The following KLHL20 variants were observed in gnomAD, a reference collection of about 807,000 sequenced individuals.
KLHL20 encodes the protein kelch like family member 20.
A neutral mutation model predicts 69.5 loss-of-function variants in KLHL20; 29 were observed. The ratio of observed to expected loss-of-function variants is 0.42; its 90% CI spans 0.31 to 0.57. KLHL20 has a LOEUF of 0.57. Among genes scored for constraint, KLHL20 ranks in the 20% least tolerant of loss-of-function variants. The pLI is 0.18. For synonymous variants in KLHL20, 253 were observed against 265.2 expected (o/e 0.95, Z 0.45); for missense variants, 419 against 776.0 (o/e 0.54, Z 5.47).
chr1:173,766,647 G>GAAAAAAAAAAAAAAAAAAAAA (rs59947652), intron 8 of KLHL20, among the ~76,000 whole-genome samples: 1 of 123,806 alleles, frequency 8.1e-6, no homozygotes. Flanking sequence ...TATCAAGGGG[G>GAAAAAAAAAAAAAAAAAAAAA]AAAAAAAAAA....
At chr1:173,753,391 T>C in intron 5 of KLHL20, 84 bp downstream of exon 5, 1 of 1,016,186 alleles carries the variant, frequency 9.8e-7, no homozygotes. Context: ...GCTTCCTAAA[T>C]ATTGTATTTT....
intron 2 of KLHL20, among the ~76,000 whole-genome samples, chr1:173,720,922 G>A (rs1671686113): frequency 6.6e-6 from 1 of 152,090 alleles, no homozygotes; most frequent in African/African-American, 2.4e-5. Context: ...TCCAGCATGT[G>A]ATTGGAATAT....
At chr1:173,724,837 T>C (rs562047510) in intron 2 of KLHL20, among the ~76,000 whole-genome samples, 4 of 152,324 alleles carry the variant, frequency 2.6e-5, no homozygotes, top group African/African-American at 9.6e-5. Context: ...TCTTATATAT[T>C]ATCTGGAATG....
At chr1:173,719,036 C>T (rs960036355) in intron 2 of KLHL20, among the ~76,000 whole-genome samples, 3 of 139,750 alleles carry the variant, frequency 2.1e-5, no homozygotes, top group East Asian at 2.2e-4. Flanking sequence ...ACCTGGGAGG[C>T]GGAGCTTGCA....
chr1:173,736,444 A>G (rs1672539409), intron 3 of KLHL20, among the ~76,000 whole-genome samples: 2 of 152,136 alleles, frequency 1.3e-5, no homozygotes, highest in Admixed American at 1.3e-4. Context: ...CTGGGCAGTA[A>G]CCAGTAGTGG....
intron 3 of KLHL20, among the ~76,000 whole-genome samples, chr1:173,742,652 T>C (rs1182734580): frequency 6.6e-6 from 1 of 151,174 alleles, no homozygotes; most frequent in East Asian, 1.9e-4. Context: ...TACGTGTATG[T>C]ATATACACGT....
At chr1:173,750,423 C>T (rs1007096012) in intron 3 of KLHL20, among the ~76,000 whole-genome samples, 1 of 152,090 alleles carries the variant, frequency 6.6e-6, no homozygotes, top group African/African-American at 2.4e-5. Context: ...GATCCATTCA[C>T]CTCAGCCACT....
At chr1:173,775,421 G>A (rs564070760) in intron 9 of KLHL20, among the ~76,000 whole-genome samples, 4 of 152,260 alleles carry the variant, frequency 2.6e-5, no homozygotes, top group Admixed American at 2.0e-4. Context: ...ATCCCAACAC[G>A]TGCCCTTTCC....
intron 3 of KLHL20, among the ~76,000 whole-genome samples, chr1:173,747,959 G>GTT (rs995270396): frequency 4.7e-5 from 7 of 149,958 alleles, no homozygotes; most frequent in African/African-American, 1.5e-4. Flanking sequence ...GAAGACACAA[G>GTT]TTACCAGTAA....
At chr1:173,743,602 T>C (rs552260002) in intron 3 of KLHL20, among the ~76,000 whole-genome samples, 29 of 152,208 alleles carry the variant, frequency 1.9e-4, no homozygotes, top group Non-Finnish European at 3.8e-4. Flanking sequence ...TCTTAACCCG[T>C]ATTCATTGAT....
At chr1:173,720,514 A>G (rs1274238115) in intron 2 of KLHL20, among the ~76,000 whole-genome samples, 1 of 152,226 alleles carries the variant, frequency 6.6e-6, no homozygotes, top group Non-Finnish European at 1.5e-5. Flanking sequence ...GCCAATGGAC[A>G]TTATTATATA....
intron 7 of KLHL20, among the ~76,000 whole-genome samples, chr1:173,759,077 GT>G (rs1673682055): frequency 6.6e-6 from 1 of 152,150 alleles, no homozygotes; most frequent in African/African-American, 2.4e-5. Context: ...TTCAGTTTGT[GT>G]GGGAGCTGAG....
At chr1:173,766,336 A>G in intron 8 of KLHL20, 47 bp downstream of exon 8, 1 of 1,502,410 alleles carries the variant, frequency 6.7e-7, no homozygotes, top group South Asian at 1.3e-5. Flanking sequence ...TTTAAAGAAC[A>G]TAGAGCTCTT....
chr1:173,782,296 C>A, intron 11 of KLHL20, 66 bp downstream of exon 11: 1 of 1,190,154 alleles, frequency 8.4e-7, no homozygotes, highest in Non-Finnish European at 1.3e-6. Context: ...TTGAAATAGC[C>A]TATGACCATC....
In KLHL20 at chr1:173,772,789, TG is replaced by T. The variant is rs549711162; in HGVS notation, c.1296-1514del. Among the ~76,000 whole-genome samples, 26 of 152,288 alleles carry T rather than the reference TG, an allele frequency of 1.7e-4. 2 individuals are homozygous for T. In the South Asian group the frequency reaches 5.4e-3, roughly 32 times the overall value. On this transcript the variant is annotated intron_variant, in intron 8 of 11. Coordinates refer to ENST00000209884, the MANE Select transcript of KLHL20 (RefSeq NM_014458.4). ...ACCAAACATGGTCTGATCAAATTTC[TG>T]GATCCAACTACCAATTTGCCCAACA...
At chr1:173,770,177 A>G (rs1284947310) in intron 8 of KLHL20, among the ~76,000 whole-genome samples, 1 of 152,222 alleles carries the variant, frequency 6.6e-6, no homozygotes, top group Non-Finnish European at 1.5e-5. Flanking sequence ...CTACAGATCA[A>G]AACCTTAACT....
chr1:173,726,332 C>CA (rs764535096), intron 2 of KLHL20, among the ~76,000 whole-genome samples: 1,432 of 140,544 alleles, frequency 0.01, 19 homozygotes, highest in African/African-American at 0.033. Context: ...AGGGCATAGC[C>CA]AAAAAAAAAA....
intron 3 of KLHL20, among the ~76,000 whole-genome samples, chr1:173,736,231 G>A (rs1168640802): frequency 6.6e-6 from 1 of 152,038 alleles, no homozygotes; most frequent in Non-Finnish European, 1.5e-5. Flanking sequence ...TGGGATTACA[G>A]GCGTGAGTCA....
chr1:173,738,601 C>T (rs1305300938), intron 3 of KLHL20, among the ~76,000 whole-genome samples: 3 of 152,102 alleles, frequency 2.0e-5, no homozygotes, highest in African/African-American at 7.2e-5. Flanking sequence ...TTCAACTTTT[C>T]CTGTTCAGTA....
Sources: allele counts gnomAD v4.1 joint callset (sites outside exome capture counted in the v4.1 genomes callset), GRCh38; gene constraint gnomAD v4.1.1; transcripts MANE v1.5; gene names NCBI Gene and HGNC (gene_info 2026-07-23, HGNC 2026-07-21).